DGKI: variants seen among roughly 807,000 people sequenced by gnomAD.
The protein encoded by DGKI is diacylglycerol kinase iota.
Under a neutral mutation model 147.5 loss-of-function variants are expected in DGKI, and 55 were observed. That is an observed-to-expected ratio of 0.37 (90% CI 0.30 to 0.47). The LOEUF is 0.47. Among genes scored for constraint, DGKI ranks in the 20% least tolerant of loss-of-function variants. The pLI is 1.00. For synonymous variants in DGKI, 469 were observed against 477.1 expected, an observed-to-expected ratio of 0.98 and a Z score of 0.22; for missense variants, 1,007 against 1,323.8, an observed-to-expected ratio of 0.76 and a Z score of 3.71.
chr7:137,746,703 C>A (rs1795346415), intron 1 of DGKI, among the ~76,000 whole-genome samples: 1 of 152,080 alleles, frequency 6.6e-6, no homozygotes, highest in Non-Finnish European at 1.5e-5. Flanking sequence ...GAAAAGGAGA[C>A]TCTGAAGTTT....
rs1223190418 is a variant in DGKI, at chr7:137,471,433, T to C, written c.2374-1814A>G. ...ACCCAATCAGAGGTTGTACTGACTTTCCTGGGAGTTAATCAACACTCCCTG... is the reference window on the plus strand; with the variant it reads ...ACCCAATCAGAGGTTGTACTGACTTCCCTGGGAGTTAATCAACACTCCCTG... On this transcript the variant is annotated intron_variant, in intron 23 of 32. Transcript: ENST00000614521. Among the ~76,000 whole-genome samples, 10 of 152,140 alleles carry C rather than the reference T, an allele frequency of 6.6e-5. No individual in the cohort carries two copies. In the East Asian group the frequency reaches 1.7e-3, roughly 26 times the overall value.
intron 1 of DGKI, among the ~76,000 whole-genome samples, chr7:137,779,162 T>C (rs1796446065): frequency 6.6e-6 from 1 of 152,038 alleles, no homozygotes; most frequent in African/African-American, 2.4e-5. Flanking sequence ...CAGAACAGAA[T>C]AGAGAGTCCA....
At chr7:137,572,620 T>C (rs1585243813) in intron 18 of DGKI, 145 bp downstream of exon 18, 1 of 595,200 alleles carries the variant, frequency 1.7e-6, no homozygotes, top group South Asian at 2.5e-5. Context: ...AATCGGAGAA[T>C]GAATTATCAG....
intron 1 of DGKI, among the ~76,000 whole-genome samples, chr7:137,719,650 G>A (rs919371183): frequency 2.0e-5 from 3 of 152,106 alleles, no homozygotes; most frequent in African/African-American, 2.4e-5. Context: ...AGATATATAC[G>A]TATTATACTT....
chr7:137,424,985 A>C (rs1264389314), intron 28 of DGKI, among the ~76,000 whole-genome samples: 5 of 152,230 alleles, frequency 3.3e-5, no homozygotes, highest in Non-Finnish European at 7.3e-5. Flanking sequence ...AAAAGACAGC[A>C]GTAACCTCTG....
intron 32 of DGKI, among the ~76,000 whole-genome samples, chr7:137,392,344 G>A (rs1488312847): frequency 2.6e-5 from 4 of 151,880 alleles, no homozygotes; most frequent in Admixed American, 2.6e-4. Flanking sequence ...ACTTGGCATC[G>A]CTCAAAATTT....
chr7:137,769,047 A>C (rs1364284882), intron 1 of DGKI, among the ~76,000 whole-genome samples: 2 of 152,230 alleles, frequency 1.3e-5, no homozygotes, highest in African/African-American at 4.8e-5. Flanking sequence ...TCTTCTCAAA[A>C]AATAGAAAGT....
At chr7:137,655,097 T>C (rs1261143828) in intron 4 of DGKI, among the ~76,000 whole-genome samples, 1 of 152,154 alleles carries the variant, frequency 6.6e-6, no homozygotes, top group African/African-American at 2.4e-5. Context: ...GGAAAGATAC[T>C]GGCAGCTTAA....
chr7:137,829,237 G>T (rs1798151357), intron 1 of DGKI, among the ~76,000 whole-genome samples: 1 of 152,222 alleles, frequency 6.6e-6, no homozygotes, highest in African/African-American at 2.4e-5. Context: ...CACCACTGTG[G>T]TGAGGAGAGG....
At chr7:137,695,622 A>T (rs1474946959) in intron 1 of DGKI, among the ~76,000 whole-genome samples, 1 of 152,192 alleles carries the variant, frequency 6.6e-6, no homozygotes, top group East Asian at 1.9e-4. Context: ...GTAAGATTTG[A>T]ATGGAGGCAT....
intron 6 of DGKI, among the ~76,000 whole-genome samples, chr7:137,631,339 T>C (rs987850773): frequency 6.6e-6 from 1 of 152,230 alleles, no homozygotes; most frequent in South Asian, 2.1e-4. Flanking sequence ...GCATGTAATA[T>C]ATGCCTTAGA....
chr7:137,529,029 A>C (rs1817246866), intron 20 of DGKI, among the ~76,000 whole-genome samples: 1 of 152,202 alleles, frequency 6.6e-6, no homozygotes, highest in Non-Finnish European at 1.5e-5. Flanking sequence ...CTTGATGGCT[A>C]ACATATTGCA....
At chr7:137,838,196 G>T (rs556980003) in intron 1 of DGKI, among the ~76,000 whole-genome samples, 2 of 152,002 alleles carry the variant, frequency 1.3e-5, no homozygotes, top group Admixed American at 1.3e-4. Flanking sequence ...GTAAAGACGG[G>T]GTTTTACCAT....
intron 1 of DGKI, among the ~76,000 whole-genome samples, chr7:137,777,889 C>T (rs940075718): frequency 2.6e-5 from 4 of 152,018 alleles, no homozygotes; most frequent in Admixed American, 6.6e-5. Context: ...TGGGAATGAC[C>T]AGATACCTAA....
At chr7:137,589,361 A>G (rs930770523) in intron 12 of DGKI, among the ~76,000 whole-genome samples, 1 of 152,238 alleles carries the variant, frequency 6.6e-6, no homozygotes, top group South Asian at 2.1e-4. Context: ...GGCAGACCAC[A>G]TGGTTCACCC....
intron 20 of DGKI, among the ~76,000 whole-genome samples, chr7:137,524,389 A>C (rs1817068856): frequency 6.6e-6 from 1 of 152,162 alleles, no homozygotes; most frequent in Non-Finnish European, 1.5e-5. Flanking sequence ...ATAATTTTTA[A>C]GGAATTAATA....
intron 1 of DGKI, among the ~76,000 whole-genome samples, chr7:137,762,102 C>T (rs956093397): frequency 4.6e-5 from 7 of 151,942 alleles, no homozygotes; most frequent in African/African-American, 1.7e-4. Flanking sequence ...TGTATTTACC[C>T]CTCTCAAATC....
intron 1 of DGKI, among the ~76,000 whole-genome samples, chr7:137,837,608 C>G (rs1371425963): frequency 6.6e-6 from 1 of 152,166 alleles, no homozygotes; most frequent in Non-Finnish European, 1.5e-5. Flanking sequence ...GAGTGCCCCT[C>G]TAGAAAGAGA....
chr7:137,410,543 G>C (rs1198510899), intron 29 of DGKI, among the ~76,000 whole-genome samples: 2 of 152,196 alleles, frequency 1.3e-5, no homozygotes, highest in Non-Finnish European at 2.9e-5. Flanking sequence ...AATTACTTTT[G>C]CACCAACCTA....
Sources: gnomAD v4.1 joint callset for allele counts (sites outside exome capture counted in the v4.1 genomes callset) on GRCh38, gnomAD v4.1.1 for gene constraint, MANE v1.5 for transcripts, NCBI Gene and HGNC (gene_info 2026-07-23, HGNC 2026-07-21) for gene names.